The following ZNF7 variants were observed in gnomAD, a reference collection of about 807,000 sequenced individuals.
ZNF7 encodes the protein C2-H2 type zinc finger protein.
In ZNF7, 10 loss-of-function variants were observed where a neutral mutation model predicts 12.0. The ratio of observed to expected loss-of-function variants is 0.83; its 90% CI spans 0.51 to 1.42. The LOEUF is 1.42. ZNF7 is among the 40% of genes most tolerant of loss of function. The pLI, the probability that ZNF7 is intolerant of heterozygous loss-of-function variation, is 0.00. For synonymous variants in ZNF7, 334 were observed against 295.0 expected (o/e 1.13, Z -1.35); for missense variants, 854 against 837.2 (o/e 1.02, Z -0.25).
In ZNF7 at chr8:144,842,717, G is replaced by A; in HGVS notation, c.1610G>A (p.Ser537Asn). The change falls in exon 5 of 5, where the codon AGC becomes AAC. Residue 537 changes from serine to asparagine, a missense_variant. Ser to Asn is a conservative substitution (Grantham distance 46, BLOSUM62 1). Coordinates refer to ENST00000532777, the MANE Select transcript of ZNF7 (RefSeq NM_003416.4). ...CLQCGKAFSM[S>N]TQLTIHQRVH... Reference sequence around the variant, plus strand: ...CAATGCGGAAAAGCCTTCAGTATGAGCACACAGCTTACAATACATCAAAGG... The same window carrying A: ...CAATGCGGAAAAGCCTTCAGTATGAACACACAGCTTACAATACATCAAAGG... 1.2e-6 allele frequency: 2 copies of A among 1,614,096 alleles called. No homozygotes were observed. Among genetic ancestry groups the A allele is most frequent in the Non-Finnish European group, 1.7e-6 (2 of 1,180,022 alleles).
intron 4 of ZNF7, among the ~76,000 whole-genome samples, chr8:144,840,093 C>T (rs1054283954): frequency 6.6e-6 from 1 of 152,256 alleles, no homozygotes; most frequent in Non-Finnish European, 1.5e-5. Flanking sequence ...AGCCACTGCA[C>T]CTGGCCACCC....
At chr8:144,845,110 G>C (rs1830440080), downstream of ZNF7, among the ~76,000 whole-genome samples, 1 of 152,148 alleles carries the variant, frequency 6.6e-6, no homozygotes, top group East Asian at 1.9e-4. Context: ...TTATGGTGCG[G>C]GACAGCTTTC....
chr8:144,837,985 A>G (rs890931003), intron 4 of ZNF7: 10 of 682,002 alleles, frequency 1.5e-5, no homozygotes, highest in Non-Finnish European at 2.7e-5. Context: ...AGCTTAAAAC[A>G]ACAGAAATTT....
At chr8:144,840,458 T>C (rs1829735790) in intron 4 of ZNF7, among the ~76,000 whole-genome samples, 1 of 152,060 alleles carries the variant, frequency 6.6e-6, no homozygotes, top group Non-Finnish European at 1.5e-5. Context: ...GGCTGCGTGG[T>C]TGTGGTTGTG....
chr8:144,847,437 T>C (rs996961786), downstream of ZNF7: 1 of 152,184 alleles, frequency 6.6e-6, no homozygotes, highest in African/African-American at 2.4e-5. Context: ...AGTGAGGCCC[T>C]GTCTCCACAA....
rs774680634 is a variant in ZNF7, at chr8:144,841,541, G to C, written c.434G>C (p.Gly145Ala). The C allele has an allele frequency of 6.2e-7, 1 of 1,614,164 alleles. No homozygotes were observed. The highest frequency in any genetic ancestry group is 1.7e-5 in the Admixed American group (1 of 60,026). Residue 145 changes from glycine (G) to alanine (A), a missense_variant, in exon 5 of 5, where the codon GGC becomes GCC. Gly to Ala is a moderately conservative substitution (Grantham distance 60, BLOSUM62 0). Transcript: ENST00000532777. ...HLGSPGLKVT[G>A]FTFQNNCLNE... ...GGCAGTCCCGGGCTGAAAGTGACAG[G>C]CTTTACCTTCCAAAATAACTGTTTG...
intron 4 of ZNF7, among the ~76,000 whole-genome samples, chr8:144,840,637 C>T (rs554497356): frequency 4.6e-5 from 7 of 152,234 alleles, no homozygotes; most frequent in Middle Eastern, 3.4e-3. Context: ...TTGGAGAGTC[C>T]AGAAGGAACG....
rs1828135044 is a variant in ZNF7, at chr8:144,829,111, C to T, written c.3+21C>T. On this transcript the variant is annotated intron_variant, in intron 2 of 4. Transcript: ENST00000532777. ...TCATGGTAGGAAGCTTGACTGCCTC[C>T]TTCCCCTCGCATGTCCTGTGAAGGC... 2.5e-6 allele frequency: 4 copies of T among 1,613,642 alleles called. No homozygotes were observed. The Admixed American group carries it at 5.0e-5, about 20-fold the overall frequency.
chr8:144,835,312 T>C (rs1435930604), intron 3 of ZNF7: 1 of 152,056 alleles, frequency 6.6e-6, no homozygotes, highest in Non-Finnish European at 1.5e-5. Flanking sequence ...CAAGTGATTC[T>C]TCCACTTGAG....
downstream of ZNF7, chr8:144,846,330 C>A (rs900524221): frequency 1.4e-6 from 1 of 708,784 alleles, no homozygotes; most frequent in Non-Finnish European, 2.2e-6. Flanking sequence ...GCAAACCATT[C>A]GTAGCTTTTT....
At chr8:144,833,744 A>C (rs931317262) in intron 3 of ZNF7, 1 of 151,932 alleles carries the variant, frequency 6.6e-6, no homozygotes, top group Non-Finnish European at 1.5e-5. Flanking sequence ...GTGTTTCTTA[A>C]TACTACAAGA....
chr8:144,837,239 C>G, intron 3 of ZNF7, 152 bp from the exon 4 acceptor site: 1 of 583,886 alleles, frequency 1.7e-6, no homozygotes, highest in Non-Finnish European at 3.1e-6. Flanking sequence ...TCCCCAGATT[C>G]TCCCCACCCT....
At chr8:144,830,909 T>C in intron 3 of ZNF7, 1 of 457,824 alleles carries the variant, frequency 2.2e-6, no homozygotes, top group Non-Finnish European at 4.4e-6. Flanking sequence ...GGAGTAAGGG[T>C]ACTTCTAATG....
At chr8:144,837,786 T>G (rs1257114722) in intron 4 of ZNF7, among the ~76,000 whole-genome samples, 1 of 152,194 alleles carries the variant, frequency 6.6e-6, no homozygotes, top group Admixed American at 6.5e-5. Flanking sequence ...TGTTCTATTT[T>G]TAATTTTACT....
chr8:144,831,308 G>T (rs1586791803), intron 3 of ZNF7, among the ~76,000 whole-genome samples: 1 of 152,312 alleles, frequency 6.6e-6, no homozygotes, highest in Admixed American at 6.5e-5. Context: ...TGAAGACAGT[G>T]TAGAGAGCAG....
intron 3 of ZNF7, chr8:144,834,348 A>T (rs1428995531): frequency 6.6e-6 from 1 of 151,976 alleles, no homozygotes; most frequent in African/African-American, 2.4e-5. Flanking sequence ...AGAGTTTGGT[A>T]TTTTCCCTCC....
downstream of ZNF7, chr8:144,846,703 T>G (rs1255696127): frequency 6.6e-6 from 1 of 151,442 alleles, no homozygotes; most frequent in African/African-American, 2.5e-5. Context: ...GGAGGAGGAG[T>G]CTTCTTTTTT....
rs932093581 is a variant in ZNF7, at chr8:144,829,321, C to G, written c.4-157C>G. On this transcript the variant is annotated intron_variant, in intron 2 of 4. Transcript: ENST00000532777. ...CCATGGACTGGGTTCCTTCCTCCTC[C>G]CCGAGACTGCCCCTCCCCAGAATAT... is the stretch of plus-strand genomic sequence containing the variant. 6 of 1,537,520 alleles carry G rather than the reference C, an allele frequency of 3.9e-6. No individual in the cohort carries two copies. The African/African-American group carries it at 6.8e-5, about 18-fold the overall frequency.
intron 3 of ZNF7, chr8:144,834,740 T>TC (rs898534699): frequency 6.7e-6 from 1 of 148,752 alleles, no homozygotes; most frequent in African/African-American, 2.5e-5. Context: ...TATATATATT[T>TC]CCTTTTTTTT....
Sources: allele counts gnomAD v4.1 joint callset (sites outside exome capture counted in the v4.1 genomes callset), GRCh38; gene constraint gnomAD v4.1.1; transcripts MANE v1.5; gene names NCBI Gene and HGNC (gene_info 2026-07-23, HGNC 2026-07-21).